Variants in TTLL2 observed in about 807,000 individuals in gnomAD.
TTLL2 encodes tubulin tyrosine ligase like 2.
Under a neutral mutation model 7.5 loss-of-function variants are expected in TTLL2, and 10 were observed. That is an observed-to-expected ratio of 1.33 (90% CI 0.82 to 2.25). The LOEUF is 2.25. Among genes scored for constraint, TTLL2 ranks in the 30% most tolerant of loss-of-function variants. The pLI is 0.00. For missense variants in TTLL2, 733 were observed against 735.7 expected, an observed-to-expected ratio of 1.00 and a Z score of 0.04; for synonymous variants, 284 against 280.3, an observed-to-expected ratio of 1.01 and a Z score of -0.13.
rs143339181 is a variant in TTLL2 at position 167,338,749 on chromosome 6, A to C, written c.150A>C (p.Ala50=). 1.2e-4 allele frequency: 187 copies of C among 1,614,012 alleles called. 1 individual carries two copies. In the African/African-American group the frequency reaches 1.8e-3, roughly 16 times the overall value. The change falls in exon 2 of 3, where the codon GCA becomes GCC. Residue 50 remains alanine, a synonymous_variant. Transcript: ENST00000239587. ...GCCTGGGAGCAAGGCTACAGGAAGCAGGTGTTTCCATCCCTCCCAGGCGAG... is the reference window on the plus strand; with the variant it reads ...GCCTGGGAGCAAGGCTACAGGAAGCCGGTGTTTCCATCCCTCCCAGGCGAG... ...PAGLGARLQE[A]GVSIPPRRGR... is the part of the protein sequence containing the mutation.
intron 1 of TTLL2, among the ~76,000 whole-genome samples, chr6:167,326,760 C>T (rs896349548): frequency 6.6e-5 from 10 of 152,144 alleles, no homozygotes; most frequent in African/African-American, 1.2e-4. Context: ...CATCAGCTGT[C>T]GTTAGTGTGA....
rs1779065294 is a variant in TTLL2, at chr6:167,340,422, G to A, written c.522G>A (p.Leu174=). 1.2e-6 allele frequency: 2 copies of A among 1,614,056 alleles called. No homozygotes were observed. The highest frequency in any genetic ancestry group is 1.3e-5 in the African/African-American group (1 of 74,906). ...KHMRRMYGTS[L]YQFIPLTFVM... ...TGAGGAGGATGTATGGCACTTCCCT[G>A]TACCAGTTCATCCCCCTGACGTTCG... is the stretch of plus-strand genomic sequence containing the variant. The change falls in exon 3 of 3, where the codon CTG becomes CTA. Residue 174 remains leucine, a synonymous_variant. Transcript: ENST00000239587.
At position 167,340,987 on chromosome 6, in the gene TTLL2, G is replaced by C. The variant is rs1779082291; in HGVS notation, c.1087G>C (p.Ala363Pro). Residue 363 changes from alanine to proline, a missense_variant, in exon 3 of 3, where the codon GCT (alanine) becomes CCT (proline). Coordinates refer to ENST00000239587, the MANE Select transcript of TTLL2 (RefSeq NM_031949.5). ...ILAIAPSVPF[A>P]ANCFELFGFD... is the part of the protein sequence containing the mutation. ...CGCCATTGCACCATCTGTCCCCTTT[G>C]CTGCCAATTGCTTTGAGCTCTTTGG... is the stretch of plus-strand genomic sequence containing the variant. The C allele has an allele frequency of 6.2e-7, 1 of 1,614,056 alleles. No homozygotes were observed. The highest frequency in any genetic ancestry group is 1.3e-5 in the African/African-American group (1 of 74,986).
chr6:167,336,060 C>T (rs1052158036), intron 1 of TTLL2, among the ~76,000 whole-genome samples: 1 of 151,854 alleles, frequency 6.6e-6, no homozygotes, highest in Non-Finnish European at 1.5e-5. Flanking sequence ...CTGAATGGAC[C>T]CCTGGGTAGA....
At chr6:167,337,197 T>C (rs1562372053) in intron 1 of TTLL2, among the ~76,000 whole-genome samples, 1 of 152,258 alleles carries the variant, frequency 6.6e-6, no homozygotes, top group African/African-American at 2.4e-5. Flanking sequence ...AAAAGGACTT[T>C]GAGAAGAAAA....
Position 167,340,806 on chromosome 6 carries a change from C to G in TTLL2, c.906C>G (p.Ile302Met). The G allele has an allele frequency of 5.0e-6, 8 of 1,614,138 alleles. No homozygotes were observed. Among genetic ancestry groups the G allele is most frequent in the African/African-American group, 1.3e-5 (1 of 75,000 alleles). Residue 302 changes from isoleucine to methionine, a missense_variant, in exon 3 of 3, where the codon ATC (isoleucine) becomes ATG (methionine). Transcript: ENST00000239587. ...ATGCCCATTTGACCAACAGCAGCAT[C>G]AATAAATCCGGGGCCTCTTATGAGA... ...NNYAHLTNSS[I>M]NKSGASYEKI...
At chr6:167,334,348 G>A (rs1778960253) in intron 1 of TTLL2, among the ~76,000 whole-genome samples, 1 of 146,700 alleles carries the variant, frequency 6.8e-6, no homozygotes, top group South Asian at 2.2e-4. Flanking sequence ...TTGCTGAGGA[G>A]AGCTTTACTT....
chr6:167,325,306 G>T, intron 1 of TTLL2, 86 bp downstream of exon 1: 1 of 1,353,956 alleles, frequency 7.4e-7, no homozygotes, highest in South Asian at 1.5e-5. Context: ...GAGAGCACAG[G>T]GGCCAGGGTC....
At position 167,340,497 on chromosome 6, in the gene TTLL2, G is replaced by A. The variant is rs1409420990; in HGVS notation, c.597G>A (p.Arg199=). ...TCGTGGCTGAATACTTTCAGGAGAG[G>A]CAGATGCTGGGCACCAAGCATAGCT... ...TKFVAEYFQE[R]QMLGTKHSYW... Residue 199 remains arginine (R), a synonymous_variant, in exon 3 of 3, where the codon AGG becomes AGA. Coordinates refer to ENST00000239587, the MANE Select transcript of TTLL2 (RefSeq NM_031949.5). The A allele has an allele frequency of 1.4e-5, 23 of 1,614,026 alleles. No homozygotes were observed. Among genetic ancestry groups the A allele is most frequent in the African/African-American group, 4.0e-5 (3 of 74,902 alleles).
In TTLL2 at chr6:167,341,380, G is replaced by A; in HGVS notation, c.1480G>A (p.Gly494Arg). Residue 494 changes from glycine (G) to arginine (R), a missense_variant, in exon 3 of 3, where the codon GGG becomes AGG. Gly to Arg is a moderately radical substitution (Grantham distance 125, BLOSUM62 -2). Transcript: ENST00000239587. ...CTCCCAGCTGGAAGGAGAGATGAGTGGGCAGGATTTTCATCTGTCAACAAG... is the reference window on the plus strand; with the variant it reads ...CTCCCAGCTGGAAGGAGAGATGAGTAGGCAGGATTTTCATCTGTCAACAAG... Reference protein sequence around the residue: ...PASQLEGEMSGQDFHLSTREM... With the variant: ...PASQLEGEMSRQDFHLSTREM... 6.2e-7 allele frequency: 1 copy of A among 1,613,866 alleles called. No individual in the cohort carries two copies. The highest frequency in any genetic ancestry group is 8.5e-7 in the Non-Finnish European group (1 of 1,179,988).
At chr6:167,340,007 G>C in intron 2 of TTLL2, 98 bp from the exon 3 acceptor site, 1 of 1,381,716 alleles carries the variant, frequency 7.2e-7, no homozygotes, top group African/African-American at 1.5e-5. Context: ...TGGACACACA[G>C]GACAGCTGGC....
intron 2 of TTLL2, 49 bp downstream of exon 2, chr6:167,338,852 C>T (rs1396341700): frequency 6.9e-7 from 1 of 1,455,628 alleles, no homozygotes. Context: ...TCCTTCCTTC[C>T]TTCCTTCCTT....
intron 1 of TTLL2, among the ~76,000 whole-genome samples, chr6:167,335,797 A>G (rs1778976392): frequency 7.3e-6 from 1 of 136,156 alleles, no homozygotes; most frequent in South Asian, 2.5e-4. Flanking sequence ...CAGGAAGGGG[A>G]ATATCATACT....
intron 1 of TTLL2, among the ~76,000 whole-genome samples, chr6:167,336,868 G>A (rs184390608): frequency 1.3e-5 from 2 of 152,220 alleles, no homozygotes; most frequent in Non-Finnish European, 2.9e-5. Context: ...GAATTGGGAG[G>A]TGGAGCCATT....
chr6:167,341,449 C>A lies in TTLL2; in HGVS notation c.1549C>A (p.Pro517Thr), dbSNP rs1338334953. 6.2e-7 allele frequency: 1 copy of A among 1,613,924 alleles called. No individual in the cohort carries two copies. Among genetic ancestry groups the A allele is most frequent in the African/African-American group, 1.3e-5 (1 of 74,862 alleles). Residue 517 changes from proline to threonine, a missense_variant, in exon 3 of 3, where the codon CCT (proline) becomes ACT (threonine). By Grantham distance (38) the Pro-to-Thr change is conservative. Transcript: ENST00000239587. ...GCCCAAGTTACGGAGCAGGCACACG[C>A]CTCACAAGACACTCATGCCCTACGC... is the stretch of plus-strand genomic sequence containing the variant. The part of the protein sequence containing the change: ...SKPKLRSRHT[P>T]HKTLMPYASL...
In TTLL2 at chr6:167,341,388, T is replaced by A; in HGVS notation, c.1488T>A (p.Asp496Glu). Residue 496 changes from aspartate to glutamate, a missense_variant, in exon 3 of 3, where the codon GAT (aspartate) becomes GAA (glutamate). By Grantham distance (45) the Asp-to-Glu change is conservative. Transcript: ENST00000239587. ...TGGAAGGAGAGATGAGTGGGCAGGA[T>A]TTTCATCTGTCAACAAGGGAGATGC... ...SQLEGEMSGQDFHLSTREMPQ... is the reference protein window; with the variant it reads ...SQLEGEMSGQEFHLSTREMPQ... 1 of 1,613,770 alleles carries A rather than the reference T, an allele frequency of 6.2e-7. No homozygotes were observed.
Position 167,340,255 on chromosome 6 carries a change from G to A in TTLL2, c.355G>A (p.Glu119Lys), listed in dbSNP as rs1234404399. Residue 119 changes from glutamate to lysine, a missense_variant, in exon 3 of 3, where the codon GAG (glutamate) becomes AAG (lysine). Coordinates refer to ENST00000239587, the MANE Select transcript of TTLL2 (RefSeq NM_031949.5). Reference protein sequence around the residue: ...NKFDKQEQNAEDWNLYWRTSS... With the variant: ...NKFDKQEQNAKDWNLYWRTSS... The stretch of plus-strand genomic sequence containing the variant: ...GTTTGATAAGCAGGAGCAGAACGCG[G>A]AGGACTGGAACCTGTACTGGAGGAC... The A allele has an allele frequency of 1.9e-6, 3 of 1,614,002 alleles. No homozygotes were observed. In the East Asian group the frequency reaches 6.7e-5, roughly 36 times the overall value.
intron 1 of TTLL2, 144 bp from the exon 2 acceptor site, chr6:167,338,503 G>A: frequency 1.2e-6 from 1 of 864,884 alleles, no homozygotes; most frequent in Non-Finnish European, 1.6e-6. Flanking sequence ...TGATAGCATG[G>A]AACAATTTGA....
Position 167,336,925 on chromosome 6 carries a change from C to T in TTLL2, c.48-1722C>T, listed in dbSNP as rs1397588667. The stretch of plus-strand genomic sequence containing the variant: ...TCCCCTCTGTGTGGGCCTTGGGGGG[C>T]TCCTCCCCACCTCTGTCCCCCGCCC... On this transcript the variant is annotated intron_variant, in intron 1 of 2. Coordinates refer to ENST00000239587, the MANE Select transcript of TTLL2 (RefSeq NM_031949.5). 5.3e-5 allele frequency among the ~76,000 whole-genome samples: 8 copies of T among 152,172 alleles called. No homozygotes were observed. In the East Asian group the frequency reaches 1.5e-3, roughly 29 times the overall value.
Sources: allele counts gnomAD v4.1 joint callset (sites outside exome capture counted in the v4.1 genomes callset), GRCh38; gene constraint gnomAD v4.1.1; transcripts MANE v1.5; gene names NCBI Gene and HGNC (gene_info 2026-07-23, HGNC 2026-07-21).